The following ENTHD1 variants were observed in gnomAD, a reference collection of about 807,000 sequenced individuals.
ENTHD1 encodes ENTH domain-containing protein 1.
Under a neutral mutation model 39.1 loss-of-function variants are expected in ENTHD1, and 23 were observed. The observed-to-expected ratio is 0.59, with a 90% CI of 0.42 to 0.83. The LOEUF (loss-of-function observed/expected upper bound fraction) is 0.83, where lower values mean the gene tolerates loss of function less well. Among genes scored for constraint, ENTHD1 ranks in the 40% least tolerant of loss-of-function variants. ENTHD1 has a pLI of 0.00. For missense variants in ENTHD1, 624 were observed against 705.4 expected (o/e 0.88, Z 1.31); for synonymous variants, 230 against 258.2 (o/e 0.89, Z 1.05).
At chr22:39,764,685 C>G (rs1426851277) in intron 6 of ENTHD1, among the ~76,000 whole-genome samples, 1 of 151,238 alleles carries the variant, frequency 6.6e-6, no homozygotes, top group African/African-American at 2.4e-5. Context: ...CTTTATTACC[C>G]AGTCTAAACA....
chr22:39,841,278 G>A (rs1367926313), intron 3 of ENTHD1, among the ~76,000 whole-genome samples: 2 of 152,098 alleles, frequency 1.3e-5, no homozygotes, highest in African/African-American at 2.4e-5. Context: ...AAAAGCCATT[G>A]TAGGTTGGGT....
intron 2 of ENTHD1, among the ~76,000 whole-genome samples, chr22:39,881,451 A>G (rs1289163713): frequency 1.3e-5 from 2 of 152,202 alleles, no homozygotes; most frequent in African/African-American, 4.8e-5. Context: ...TATTTGAAAA[A>G]GTAACTTATT....
At chr22:39,842,594 A>G (rs1186661858) in intron 3 of ENTHD1, among the ~76,000 whole-genome samples, 1 of 152,028 alleles carries the variant, frequency 6.6e-6, no homozygotes, top group Admixed American at 6.6e-5. Context: ...GCAACAAAAG[A>G]CAAAATTGAC....
At chr22:39,811,284 T>C (rs1246206965) in intron 5 of ENTHD1, among the ~76,000 whole-genome samples, 1 of 151,472 alleles carries the variant, frequency 6.6e-6, no homozygotes, top group Non-Finnish European at 1.5e-5. Flanking sequence ...ACTGCCAGTT[T>C]TGAGTGAGGA....
At chr22:39,875,912 C>A in intron 2 of ENTHD1, 4 of 1,613,870 alleles carry the variant, frequency 2.5e-6, no homozygotes, top group Admixed American at 1.7e-5. Flanking sequence ...AGTAAAGAAA[C>A]CTGAATGGGT....
chr22:39,772,670 T>C (rs1232955169), intron 5 of ENTHD1, among the ~76,000 whole-genome samples: 1 of 151,992 alleles, frequency 6.6e-6, no homozygotes, highest in East Asian at 1.9e-4. Context: ...CCACAGTAAA[T>C]GCAATTAACA....
chr22:39,881,774 A>G (rs1347779809), intron 2 of ENTHD1, among the ~76,000 whole-genome samples: 2 of 152,200 alleles, frequency 1.3e-5, no homozygotes, highest in Non-Finnish European at 2.9e-5. Context: ...CTGCTTTTTT[A>G]TAACTAGGGT....
chr22:39,852,149 A>G (rs1393431438), intron 3 of ENTHD1, among the ~76,000 whole-genome samples: 2 of 151,694 alleles, frequency 1.3e-5, no homozygotes, highest in African/African-American at 4.8e-5. Context: ...CCTGGGCAAC[A>G]TGGTGAAACT....
At chr22:39,803,129 C>T (rs1261719206) in intron 5 of ENTHD1, among the ~76,000 whole-genome samples, 1 of 152,104 alleles carries the variant, frequency 6.6e-6, no homozygotes, top group Non-Finnish European at 1.5e-5. Context: ...TAAATCTCCC[C>T]ACAAGACTTC....
intron 6 of ENTHD1, among the ~76,000 whole-genome samples, chr22:39,762,734 C>G (rs1433506569): frequency 1.3e-5 from 2 of 152,068 alleles, no homozygotes; most frequent in Admixed American, 1.3e-4. Flanking sequence ...ATTACAGGCA[C>G]AAGTCACTGT....
chr22:39,820,057 ACT>A (rs2065769507), intron 5 of ENTHD1, among the ~76,000 whole-genome samples: 1 of 152,186 alleles, frequency 6.6e-6, no homozygotes, highest in Non-Finnish European at 1.5e-5. Context: ...TACAAACATC[ACT>A]ATAACCCCCA....
At chr22:39,810,596 A>C (rs2065677763) in intron 5 of ENTHD1, among the ~76,000 whole-genome samples, 1 of 152,220 alleles carries the variant, frequency 6.6e-6, no homozygotes, top group Non-Finnish European at 1.5e-5. Context: ...CAAAGATTTC[A>C]AAGTTGTAGG....
intron 2 of ENTHD1, chr22:39,875,339 G>C (rs1234980268): frequency 2.2e-6 from 3 of 1,341,520 alleles, no homozygotes; most frequent in South Asian, 2.0e-5. Context: ...CGTCCTGTCG[G>C]CCACGTCCCG....
intron 3 of ENTHD1, among the ~76,000 whole-genome samples, chr22:39,847,985 A>T (rs2066004376): frequency 6.6e-6 from 1 of 152,214 alleles, no homozygotes; most frequent in Admixed American, 6.5e-5. Flanking sequence ...CTGAACTGTC[A>T]TCTGGAAACC....
chr22:39,854,974 A>T (rs2146712204), intron 3 of ENTHD1, among the ~76,000 whole-genome samples: 1 of 152,252 alleles, frequency 6.6e-6, no homozygotes, highest in South Asian at 2.1e-4. Context: ...AGTCAATTTC[A>T]ATTTCTCTCT....
intron 5 of ENTHD1, among the ~76,000 whole-genome samples, chr22:39,807,424 C>T (rs1229128349): frequency 2.0e-5 from 3 of 149,616 alleles, no homozygotes; most frequent in East Asian, 2.0e-4. Context: ...AACATATGGC[C>T]ACCTCTTCTA....
chr22:39,782,074 G>C (rs1360471543), intron 5 of ENTHD1, among the ~76,000 whole-genome samples: 1 of 152,084 alleles, frequency 6.6e-6, no homozygotes, highest in African/African-American at 2.4e-5. Flanking sequence ...ATCACTTGAG[G>C]CCAGGAGTTC....
intron 2 of ENTHD1, among the ~76,000 whole-genome samples, chr22:39,862,782 A>G (rs1411589680): frequency 1.3e-5 from 2 of 152,214 alleles, no homozygotes; most frequent in African/African-American, 4.8e-5. Flanking sequence ...AGAAATACAT[A>G]CAACTGTGGT....
rs2065452854 is a variant in ENTHD1 at position 39,785,885 on chromosome 22, A to G, written c.833-20276T>C. The stretch of plus-strand genomic sequence containing the variant: ...CCTTTGGCTCAGCCTTGGCTCTTTG[A>G]TTTCTCTCAAAGACAATTTCAAACC... On this transcript the variant is annotated intron_variant, in intron 5 of 6. Coordinates refer to ENST00000325157, the MANE Select transcript of ENTHD1 (RefSeq NM_152512.4). 3.3e-5 allele frequency among the ~76,000 whole-genome samples: 5 copies of G among 152,140 alleles called. 1 individual carries two copies. The South Asian group carries it at 1.0e-3, about 32-fold the overall frequency.
Sources: allele counts gnomAD v4.1 joint callset (sites outside exome capture counted in the v4.1 genomes callset), GRCh38; gene constraint gnomAD v4.1.1; transcripts MANE v1.5; gene names NCBI Gene and HGNC (gene_info 2026-07-23, HGNC 2026-07-21).